Variants in PHACTR1 observed in about 807,000 individuals in gnomAD.
PHACTR1 encodes the protein RPEL repeat containing 1.
In PHACTR1, 16 loss-of-function variants were observed where a neutral mutation model predicts 69.2. The observed-to-expected ratio is 0.23, with a 90% CI of 0.16 to 0.35. PHACTR1 has a LOEUF of 0.35. Among genes scored for constraint, PHACTR1 ranks in the 10% least tolerant of loss-of-function variants. The pLI is 1.00. For missense variants in PHACTR1, 510 were observed against 734.7 expected (o/e 0.69, Z 3.54); for synonymous variants, 312 against 284.5 (o/e 1.10, Z -0.97).
At chr6:12,798,098 C>T (rs199967395) in intron 4 of PHACTR1, among the ~76,000 whole-genome samples, 1 of 127,664 alleles carries the variant, frequency 7.8e-6, no homozygotes, top group Non-Finnish European at 1.6e-5. Context: ...AGGGGAGGGA[C>T]TTTGGTTAAT....
chr6:13,032,679 C>T (rs115388133), intron 4 of PHACTR1, among the ~76,000 whole-genome samples: 3,162 of 151,772 alleles, frequency 0.021, 43 homozygotes, highest in Non-Finnish European at 0.032. Context: ...TGCAGTGGCA[C>T]GAACATAGCT....
chr6:12,990,900 A>C (rs1270279855), intron 4 of PHACTR1, among the ~76,000 whole-genome samples: 1 of 152,132 alleles, frequency 6.6e-6, no homozygotes, highest in Non-Finnish European at 1.5e-5. Flanking sequence ...AAGTTAAGCC[A>C]CATCTATCTA....
At chr6:13,239,016 C>A (rs989143197) in intron 10 of PHACTR1, among the ~76,000 whole-genome samples, 3 of 152,176 alleles carry the variant, frequency 2.0e-5, no homozygotes, top group African/African-American at 7.2e-5. Flanking sequence ...CATCATCATC[C>A]TCCTCCTCAT....
chr6:12,942,114 A>G (rs771206736), intron 4 of PHACTR1, among the ~76,000 whole-genome samples: 10 of 152,204 alleles, frequency 6.6e-5, no homozygotes, highest in Admixed American at 1.3e-4. Flanking sequence ...TTGAGTTTCC[A>G]ATGCCACATC....
intron 4 of PHACTR1, among the ~76,000 whole-genome samples, chr6:12,891,203 T>C (rs575374531): frequency 4.7e-4 from 72 of 152,326 alleles, no homozygotes; most frequent in African/African-American, 1.7e-3. Context: ...TATCACCATT[T>C]TTAATATGAT....
chr6:12,995,164 C>T (rs888008766), intron 4 of PHACTR1, among the ~76,000 whole-genome samples: 4 of 151,122 alleles, frequency 2.6e-5, no homozygotes, highest in African/African-American at 7.3e-5. Context: ...GAGGGGTGAT[C>T]GGATTTCAGC....
At chr6:12,778,082 G>A (rs1286951617) in intron 4 of PHACTR1, among the ~76,000 whole-genome samples, 1 of 151,898 alleles carries the variant, frequency 6.6e-6, no homozygotes, top group African/African-American at 2.4e-5. Flanking sequence ...GTTGAGTCAG[G>A]TGTGGATCCT....
chr6:12,936,699 G>A (rs547673395), intron 4 of PHACTR1, among the ~76,000 whole-genome samples: 25 of 152,208 alleles, frequency 1.6e-4, no homozygotes, highest in East Asian at 3.8e-4. Flanking sequence ...TAGGAAATGC[G>A]GCAGCAGGAG....
At position 12,820,764 on chromosome 6, in the gene PHACTR1, C is replaced by G. The variant is rs144773079; in HGVS notation, c.250+70974C>G. ...AACTTGAATTTGTTATTGCTTCAAA[C>G]TTAACATATTCAAGTGTACCTCTTC... On this transcript the variant is annotated intron_variant, in intron 4 of 14. Coordinates refer to ENST00000332995, the MANE Select transcript of PHACTR1 (RefSeq NM_030948.6). Among the ~76,000 whole-genome samples the G allele has an allele frequency of 4.0e-3, 605 of 152,238 alleles. 6 individuals carry two copies. The highest frequency in any genetic ancestry group is 0.014 in the African/African-American group (577 of 41,512).
intron 4 of PHACTR1, among the ~76,000 whole-genome samples, chr6:12,887,684 C>T (rs148077451): frequency 1.3e-5 from 2 of 152,304 alleles, no homozygotes; most frequent in East Asian, 3.9e-4. Flanking sequence ...TCAGGATACA[C>T]AGATGGGTAC....
At chr6:12,984,631 C>T (rs966914181) in intron 4 of PHACTR1, among the ~76,000 whole-genome samples, 7 of 152,194 alleles carry the variant, frequency 4.6e-5, no homozygotes, top group Non-Finnish European at 1.0e-4. Context: ...TCACCACTTT[C>T]GATTTTGTCA....
At chr6:12,965,766 A>G (rs1018094291) in intron 4 of PHACTR1, among the ~76,000 whole-genome samples, 1 of 152,208 alleles carries the variant, frequency 6.6e-6, no homozygotes, top group African/African-American at 2.4e-5. Flanking sequence ...CATTTCCTCC[A>G]GTAACAATGT....
intron 4 of PHACTR1, among the ~76,000 whole-genome samples, chr6:12,985,863 T>G (rs1263682306): frequency 1.3e-5 from 2 of 151,888 alleles, no homozygotes; most frequent in African/African-American, 2.4e-5. Context: ...GAGATGGAGT[T>G]TTACTCTTGT....
intron 5 of PHACTR1, among the ~76,000 whole-genome samples, chr6:13,104,884 A>G (rs909723538): frequency 6.6e-6 from 1 of 152,232 alleles, no homozygotes; most frequent in African/African-American, 2.4e-5. Context: ...TCAAATTAAC[A>G]GGTTTTTATT....
intron 4 of PHACTR1, among the ~76,000 whole-genome samples, chr6:12,819,112 G>A (rs1033091408): frequency 1.3e-5 from 2 of 152,056 alleles, no homozygotes; most frequent in African/African-American, 4.8e-5. Flanking sequence ...CCAAAACCTC[G>A]GCATCTTCCA....
intron 4 of PHACTR1, among the ~76,000 whole-genome samples, chr6:12,888,624 GT>G (rs530697752): frequency 6.6e-6 from 1 of 152,134 alleles, no homozygotes; most frequent in Non-Finnish European, 1.5e-5. Context: ...TAAAATATGT[GT>G]TTTTTTAAAT....
chr6:13,097,765 C>A (rs1238293263), intron 5 of PHACTR1, among the ~76,000 whole-genome samples: 1 of 152,144 alleles, frequency 6.6e-6, no homozygotes, highest in Admixed American at 6.5e-5. Context: ...AGACTTACTC[C>A]TCCTCTAGTA....
intron 6 of PHACTR1, among the ~76,000 whole-genome samples, chr6:13,170,600 A>G (rs973809204): frequency 1.3e-5 from 2 of 152,214 alleles, no homozygotes; most frequent in African/African-American, 4.8e-5. Flanking sequence ...CAGATTTCAT[A>G]CTTTTGCCCA....
intron 4 of PHACTR1, among the ~76,000 whole-genome samples, chr6:12,956,633 G>C (rs1367141579): frequency 1.3e-5 from 2 of 152,158 alleles, no homozygotes; most frequent in Non-Finnish European, 2.9e-5. Flanking sequence ...GAGGTGGCTG[G>C]AGAGGGTTTA....
Sources: gnomAD v4.1 joint callset for allele counts (sites outside exome capture counted in the v4.1 genomes callset) on GRCh38, gnomAD v4.1.1 for gene constraint, MANE v1.5 for transcripts, NCBI Gene and HGNC (gene_info 2026-07-23, HGNC 2026-07-21) for gene names.